PFKP: variants seen among roughly 807,000 people sequenced by gnomAD.
PFKP encodes the protein phosphofructokinase, platelet, also known as ATP-dependent 6-phosphofructokinase, platelet type.
A neutral mutation model predicts 94.3 loss-of-function variants in PFKP; 101 were observed. The ratio of observed to expected loss-of-function variants is 1.07; its 90% confidence interval spans 0.91 to 1.26. The LOEUF (loss-of-function observed/expected upper bound fraction) is 1.26, where lower values mean the gene tolerates loss of function less well. Among genes scored for constraint, PFKP ranks in the 50% most tolerant of loss-of-function variants. The pLI, the probability that PFKP is intolerant of heterozygous loss-of-function variation, is 0.00. For synonymous variants in PFKP, 573 were observed against 432.6 expected (o/e 1.32, Z -4.03); for missense variants, 1,145 against 1,103.3 (o/e 1.04, Z -0.53).
At chr10:3,125,825 C>G (rs1228824143) in intron 16 of PFKP, among the ~76,000 whole-genome samples, 1 of 152,212 alleles carries the variant, frequency 6.6e-6, no homozygotes, top group Non-Finnish European at 1.5e-5. Context: ...ATACTCTGAC[C>G]TACCTCTATG....
At chr10:3,089,214 A>T (rs1833859796) in intron 2 of PFKP, among the ~76,000 whole-genome samples, 1 of 152,194 alleles carries the variant, frequency 6.6e-6, no homozygotes, top group South Asian at 2.1e-4. Context: ...GATTACAAGC[A>T]TGAACCACCA....
intron 1 of PFKP, among the ~76,000 whole-genome samples, chr10:3,072,587 A>T (rs1338502296): frequency 6.6e-6 from 1 of 150,866 alleles, no homozygotes; most frequent in Non-Finnish European, 1.5e-5. Flanking sequence ...GTGTAATGGC[A>T]TCATTTTCTG....
rs184299929 is a variant in PFKP at position 3,104,403 on chromosome 10, C to T, written c.620+459C>T. 1.1e-3 allele frequency among the ~76,000 whole-genome samples: 172 copies of T among 152,328 alleles called. 2 individuals carry two copies. The highest frequency in any genetic ancestry group is 2.7e-3 in the African/African-American group (112 of 41,566). On this transcript the variant is annotated intron_variant, in intron 5 of 21. Transcript: ENST00000381125. The stretch of plus-strand genomic sequence containing the variant: ...GGTTATCACTAAAGACTGTGGGGCG[C>T]ACCGTACAATTTCTGAAGCAATTTG...
chr10:3,101,229 C>T (rs968428406), intron 3 of PFKP, 136 bp from the exon 4 acceptor site: 1 of 784,636 alleles, frequency 1.3e-6, no homozygotes, highest in African/African-American at 1.7e-5. Flanking sequence ...TCTTTCATAG[C>T]TAGTTACTAA....
chr10:3,074,549 G>T (rs913520160), intron 1 of PFKP, among the ~76,000 whole-genome samples: 3 of 152,190 alleles, frequency 2.0e-5, no homozygotes, highest in African/African-American at 7.2e-5. Flanking sequence ...CAGATGGAAG[G>T]TTATGGGGTG....
chr10:3,112,190 ATTCT>A (rs779462273), intron 10 of PFKP, 28 bp from the exon 11 acceptor site: 3 of 1,587,372 alleles, frequency 1.9e-6, no homozygotes, highest in Non-Finnish European at 1.7e-6. Context: ...GTCCTGACAC[ATTCT>A]TTCTTCTTTT....
chr10:3,102,338 C>G (rs1463508081), intron 4 of PFKP, among the ~76,000 whole-genome samples: 2 of 150,924 alleles, frequency 1.3e-5, no homozygotes, highest in Non-Finnish European at 2.9e-5. Context: ...TCATCCAGTA[C>G]CAACTTTGGC....
In PFKP at chr10:3,067,608, G is replaced by C; in HGVS notation, c.13G>C (p.Asp5His). 1.3e-6 allele frequency: 2 copies of C among 1,524,116 alleles called. No individual in the cohort carries two copies. Among genetic ancestry groups the C allele is most frequent in the Non-Finnish European group, 1.8e-6 (2 of 1,134,566 alleles). The allele number at this position is 1,524,116 out of a possible 1,614,324, so 94.4% of individuals were successfully genotyped here. A position where few individuals can be genotyped will look rare whatever the true frequency, so the allele number is the denominator to read the frequency against. The change falls in exon 1 of 22, where the codon GAC becomes CAC. Residue 5 changes from aspartate (D) to histidine (H), a missense_variant. By Grantham distance (81) the Asp-to-His change is moderately conservative (BLOSUM62 -1). This residue lies in a region of PFKP where 1,119 missense variants were observed against 1,062.8 expected (regional missense o/e 1.05). Coordinates refer to ENST00000381125, the MANE Select transcript of PFKP (RefSeq NM_002627.5). ...CGGCCTCCTCGCCATGGACGCGGAC[G>C]ACTCCCGGGCCCCCAAGGGCTCCTT... MDADDSRAPKGSLRK... is the reference protein window; with the variant it reads MDADHSRAPKGSLRK...
At chr10:3,108,855 C>A in intron 9 of PFKP, 62 bp downstream of exon 9, 1 of 1,198,848 alleles carries the variant, frequency 8.3e-7, no homozygotes, top group Non-Finnish European at 1.2e-6. Flanking sequence ...TCTGGAGAGG[C>A]ACAGGCACCA....
At chr10:3,127,004 C>T (rs189334600) in intron 16 of PFKP, among the ~76,000 whole-genome samples, 14 of 152,386 alleles carry the variant, frequency 9.2e-5, no homozygotes, top group Non-Finnish European at 1.8e-4. Context: ...TCCACCCACT[C>T]GGAGGCCAGG....
At chr10:3,080,729 A>T (rs1833004453) in intron 1 of PFKP, among the ~76,000 whole-genome samples, 1 of 152,154 alleles carries the variant, frequency 6.6e-6, no homozygotes. Context: ...TATATTCATA[A>T]ATTATTTGCA....
chr10:3,079,763 T>C (rs1832901039), intron 1 of PFKP, among the ~76,000 whole-genome samples: 1 of 151,082 alleles, frequency 6.6e-6, no homozygotes, highest in Non-Finnish European at 1.5e-5. Flanking sequence ...CTGTGTTTGA[T>C]GGGTAATTCA....
Position 3,105,343 on chromosome 10 carries a change from C to T in PFKP, c.666-50C>T, listed in dbSNP as rs376673772. The T allele has an allele frequency of 2.9e-5, 43 of 1,506,178 alleles. No individual in the cohort carries two copies. The African/African-American group carries it at 5.6e-4, about 20-fold the overall frequency. 93.3% of individuals were successfully genotyped at this position (1,506,178 alleles called of 1,614,324 possible). ...CTGAGCGGGGTGCCTGGGCTGCCCT[C>T]GTGGGAAGGATCCTTCTGGGGTGTT... On this transcript the variant is annotated intron_variant, in intron 6 of 21. Coordinates refer to ENST00000381125, the MANE Select transcript of PFKP (RefSeq NM_002627.5).
intron 4 of PFKP, among the ~76,000 whole-genome samples, chr10:3,102,047 C>T (rs993722757): frequency 2.7e-5 from 4 of 150,320 alleles, no homozygotes; most frequent in Admixed American, 6.6e-5. Flanking sequence ...GTCAGGAGAT[C>T]GAGACCATCC....
At chr10:3,119,444 A>AC (rs869067908) in intron 15 of PFKP, among the ~76,000 whole-genome samples, 1 of 26,814 alleles carries the variant, frequency 3.7e-5, no homozygotes, top group Non-Finnish European at 1.3e-4. Flanking sequence ...CGTCTCTACT[A>AC]AAATATAAAA....
At chr10:3,126,865 G>C (rs1198592886) in intron 16 of PFKP, among the ~76,000 whole-genome samples, 3 of 152,264 alleles carry the variant, frequency 2.0e-5, no homozygotes, top group Non-Finnish European at 4.4e-5. Flanking sequence ...TCCTTGCAGG[G>C]GGTGGCGTCT....
At chr10:3,092,486 C>T (rs962707445) in intron 2 of PFKP, among the ~76,000 whole-genome samples, 10 of 151,514 alleles carry the variant, frequency 6.6e-5, no homozygotes, top group Non-Finnish European at 1.3e-4. Flanking sequence ...GTGTTAGCAA[C>T]AGCGTATTAT....
At chr10:3,099,898 G>C (rs1834814285) in intron 3 of PFKP, among the ~76,000 whole-genome samples, 1 of 145,884 alleles carries the variant, frequency 6.9e-6, no homozygotes, top group African/African-American at 2.5e-5. Context: ...GTGTAACTGT[G>C]TGAGTCTGGT....
chr10:3,115,353 T>C (rs7916196), intron 13 of PFKP, among the ~76,000 whole-genome samples: 21,919 of 53,228 alleles, frequency 0.41, 5,915 homozygotes, highest in East Asian at 0.66. Context: ...CTGGGGATGC[T>C]GGAGTGAAGG....
Sources: allele counts gnomAD v4.1 joint callset (sites outside exome capture counted in the v4.1 genomes callset), GRCh38; gene constraint gnomAD v4.1.1; regional missense constraint gnomAD v4.1.1; transcripts MANE v1.5; gene names NCBI Gene and HGNC (gene_info 2026-07-23, HGNC 2026-07-21).